PITRM1: variants seen among roughly 807,000 people sequenced by gnomAD.
The protein encoded by PITRM1 is presequence protease, mitochondrial.
A neutral mutation model predicts 129.9 loss-of-function variants in PITRM1; 100 were observed. The ratio of observed to expected loss-of-function variants is 0.77; its 90% confidence interval spans 0.65 to 0.91. The LOEUF (loss-of-function observed/expected upper bound fraction) is 0.91, where lower values mean the gene tolerates loss of function less well. Among genes scored for constraint, PITRM1 ranks in the 40% least tolerant of loss-of-function variants. The pLI, the probability that PITRM1 is intolerant of heterozygous loss-of-function variation, is 0.00. For synonymous variants in PITRM1, 591 were observed against 508.8 expected, an observed-to-expected ratio of 1.16 and a Z score of -2.17; for missense variants, 1,471 against 1,318.3, an observed-to-expected ratio of 1.12 and a Z score of -1.79.
At position 3,158,893 on chromosome 10, in the gene PITRM1, C is replaced by T. The variant is rs924762985; in HGVS notation, c.1136+21G>A. 5 of 1,611,132 alleles carry T rather than the reference C, an allele frequency of 3.1e-6. No individual in the cohort carries two copies. The African/African-American group carries it at 4.0e-5, about 13-fold the overall frequency. On this transcript the variant is annotated intron_variant, in intron 10 of 26. Transcript: ENST00000224949. ...CCCCCAACCAATGAGAACTACTGAT[C>T]TAATCTAATCATAAACTCACCCAAC...
intron 1 of PITRM1, among the ~76,000 whole-genome samples, chr10:3,171,172 A>AAAAAAAAAAAAAAAT (rs1843317850): frequency 7.1e-6 from 1 of 141,088 alleles, no homozygotes; most frequent in Non-Finnish European, 1.5e-5. Flanking sequence ...AAAAAAAAAA[A>AAAAAAAAAAAAAAAT]AAAAAAAAAA....
At chr10:3,167,314 C>T (rs1842959771) in intron 2 of PITRM1, among the ~76,000 whole-genome samples, 1 of 152,176 alleles carries the variant, frequency 6.6e-6, no homozygotes, top group East Asian at 1.9e-4. Flanking sequence ...CGCGAGAGCG[C>T]ACGCGCTTAC....
At chr10:3,138,559 T>G in intron 25 of PITRM1, 2 of 608,390 alleles carry the variant, frequency 3.3e-6, no homozygotes, top group South Asian at 3.9e-5. Flanking sequence ...AGGGATGCAG[T>G]CAGCGCCGCG....
At position 3,160,289 on chromosome 10, in the gene PITRM1, T is replaced by C; in HGVS notation, c.833A>G (p.Lys278Arg). The C allele has an allele frequency of 6.2e-7, 1 of 1,613,396 alleles. No homozygotes were observed. Among genetic ancestry groups the C allele is most frequent in the East Asian group, 2.2e-5 (1 of 44,876 alleles). The change falls in exon 8 of 27, where the codon AAA (lysine) becomes AGA (arginine). Residue 278 changes from lysine to arginine, a missense_variant. Coordinates refer to ENST00000224949, the MANE Select transcript of PITRM1 (RefSeq NM_014889.4). ...GCTCAGTGCTTCCTCGTGAATTTGT[T>C]TCAGATGCTGTTCTAATGGAAAATT... ...YGNFPLEQHL[K>R]QIHEEALSKF... is the part of the protein sequence containing the mutation.
intron 24 of PITRM1, among the ~76,000 whole-genome samples, chr10:3,140,170 GCTA>G (rs995094947): frequency 4.6e-5 from 7 of 152,178 alleles, no homozygotes. Flanking sequence ...ACGCTGATGG[GCTA>G]CTATTAAGTA....
chr10:3,150,944 TCA>T (rs775881723), intron 15 of PITRM1, among the ~76,000 whole-genome samples: 167 of 151,966 alleles, frequency 1.1e-3, no homozygotes, highest in Non-Finnish European at 2.0e-3. Flanking sequence ...AAACTGCGCT[TCA>T]CACAGTCACA....
intron 25 of PITRM1, chr10:3,138,539 C>CT: frequency 3.3e-6 from 2 of 610,792 alleles, no homozygotes; most frequent in South Asian, 3.8e-5. Flanking sequence ...CCCACGCCTG[C>CT]TTCTGCAGCA....
At chr10:3,158,184 G>A in intron 10 of PITRM1, 31 bp from the exon 11 acceptor site, 1 of 1,284,474 alleles carries the variant, frequency 7.8e-7, no homozygotes, top group Non-Finnish European at 1.1e-6. Context: ...TGATGCACTG[G>A]AATCCGGGCA....
chr10:3,140,448 T>C (rs1266998907), intron 24 of PITRM1, among the ~76,000 whole-genome samples: 1 of 152,208 alleles, frequency 6.6e-6, no homozygotes, highest in African/African-American at 2.4e-5. Context: ...TGCCAAAATA[T>C]GCTGGCTGAA....
intron 7 of PITRM1, among the ~76,000 whole-genome samples, chr10:3,161,724 C>T (rs1465413862): frequency 2.0e-5 from 3 of 152,000 alleles, no homozygotes; most frequent in Non-Finnish European, 4.4e-5. Context: ...AAAACGGGCC[C>T]ACAGCTGGGG....
chr10:3,145,116 AGCGTC>A (rs1840717139), intron 21 of PITRM1: 1 of 156,800 alleles, frequency 6.4e-6, no homozygotes, highest in African/African-American at 2.4e-5. Flanking sequence ...AGAAGACATG[AGCGTC>A]AACCTCCTCC....
At chr10:3,150,059 C>A (rs1841349463) in intron 15 of PITRM1, among the ~76,000 whole-genome samples, 1 of 152,064 alleles carries the variant, frequency 6.6e-6, no homozygotes, top group African/African-American at 2.4e-5. Flanking sequence ...TGACCAGGTG[C>A]CCCCGAGACC....
Position 3,147,603 on chromosome 10 carries a change from TCCC to T in PITRM1, c.2201_2203del (p.Gly734del), listed in dbSNP as rs1564398781. 1.2e-6 allele frequency: 2 copies of T among 1,614,012 alleles called. No homozygotes were observed. The highest frequency in any genetic ancestry group is 2.2e-5 in the South Asian group (2 of 91,090). On this transcript the variant is annotated inframe_deletion, in exon 19 of 27. Coordinates refer to ENST00000224949, the MANE Select transcript of PITRM1 (RefSeq NM_014889.4). ...CATCCCGCTGAAGGTCTCCTGCAGGTCCCCTGCGGGCGTGAGGGTCCGGCCTGC... is the reference window on the plus strand; with the variant it reads ...CATCCCGCTGAAGGTCTCCTGCAGGTCTGCGGGCGTGAGGGTCCGGCCTGC...
In PITRM1 at chr10:3,165,248, T is replaced by C; in HGVS notation, c.620A>G (p.Lys207Arg). The change falls in exon 6 of 27, where the codon AAG becomes AGG. Residue 207 changes from lysine to arginine, a missense_variant. By Grantham distance (26) the Lys-to-Arg change is conservative. Coordinates refer to ENST00000224949, the MANE Select transcript of PITRM1 (RefSeq NM_014889.4). ...AGGAAGAAAACTTACAAACGCTCCC[T>C]TCATCTCATTAAAGACGACTCCTTT... ...VFKGVVFNEM[K>R]GAFTDNERIF... 1.3e-6 allele frequency: 2 copies of C among 1,567,492 alleles called. No homozygotes were observed.
chr10:3,171,166 A>AC (rs1843314690), intron 1 of PITRM1, among the ~76,000 whole-genome samples: 2 of 138,140 alleles, frequency 1.4e-5, no homozygotes, highest in African/African-American at 5.8e-5. Context: ...AAAAAAAAAA[A>AC]AAAAAAAAAA....
intron 7 of PITRM1, among the ~76,000 whole-genome samples, chr10:3,160,725 G>T (rs1842374714): frequency 6.6e-6 from 1 of 151,400 alleles, no homozygotes; most frequent in South Asian, 2.1e-4. Context: ...CAGTAGCCGG[G>T]ACTACCAGGA....
Position 3,163,810 on chromosome 10 carries a change from C to T in PITRM1, c.706G>A (p.Gly236Arg), listed in dbSNP as rs748509240. ...LPDHTYSVVS[G>R]GDPLCIPELT... ...TCCGGGATGCACAGTGGGTCACCCC[C>T]GGAGACCACTGAGTACGTGTGGTCA... is the stretch of plus-strand genomic sequence containing the variant. Residue 236 changes from glycine (G) to arginine (R), a missense_variant, in exon 7 of 27, where the codon GGG becomes AGG. By Grantham distance (125) the Gly-to-Arg change is moderately radical (BLOSUM62 -2). Transcript: ENST00000224949. 9 of 1,611,702 alleles carry T rather than the reference C, an allele frequency of 5.6e-6. No homozygotes were observed. The highest frequency in any genetic ancestry group is 4.5e-5 in the East Asian group (2 of 44,856).
At position 3,147,299 on chromosome 10, in the gene PITRM1, C is replaced by A. The variant is rs375634265; in HGVS notation, c.2236-49G>T. 77 of 1,347,492 alleles carry A rather than the reference C, an allele frequency of 5.7e-5. No individual in the cohort carries two copies. In the African/African-American group the frequency reaches 1.1e-3, roughly 19 times the overall value. 83.5% of individuals were successfully genotyped at this position (1,347,492 alleles called of 1,614,324 possible). On this transcript the variant is annotated intron_variant, in intron 19 of 26. Transcript: ENST00000224949. ...GAGAGAGGCAGAGGCTACAACAGAC[C>A]CGCTGAGTCTGAACCAAGCACCTGT...
intron 24 of PITRM1, among the ~76,000 whole-genome samples, chr10:3,139,894 T>C (rs1366294162): frequency 2.0e-5 from 3 of 152,134 alleles, no homozygotes; most frequent in Admixed American, 6.5e-5. Flanking sequence ...ATCAAGAATA[T>C]TGCTTTACAG....
Sources: allele counts gnomAD v4.1 joint callset (sites outside exome capture counted in the v4.1 genomes callset), GRCh38; gene constraint gnomAD v4.1.1; transcripts MANE v1.5; gene names NCBI Gene and HGNC (gene_info 2026-07-23, HGNC 2026-07-21).